KRT73: variants seen among roughly 807,000 people sequenced by gnomAD.
The protein encoded by KRT73 is keratin 73, also known as keratin, type II cytoskeletal 73.
In KRT73, 44 loss-of-function variants were observed where a neutral mutation model predicts 47.2. That is an observed-to-expected ratio of 0.93 (90% CI 0.73 to 1.20). The LOEUF is 1.20. Ranked by LOEUF, KRT73 falls within the 50% of genes most tolerant of loss-of-function variation. KRT73 has a pLI of 0.00. For synonymous variants in KRT73, 285 were observed against 291.3 expected, an observed-to-expected ratio of 0.98 and a Z score of 0.22; for missense variants, 713 against 704.5, an observed-to-expected ratio of 1.01 and a Z score of -0.14.
In KRT73 at chr12:52,608,260, T is replaced by C. The variant is rs1940625629; in HGVS notation, c.1559A>G (p.Glu520Gly). ...GGTCTTTCCCTGGGAGTCCCTGAAT[T>C]CACTTGCACTCCCCAGCCTGGTCCT... ...EARTRLGSAS[E>G]FRDSQGKTLA... The change falls in exon 9 of 9, where the codon GAA (glutamate) becomes GGA (glycine). Residue 520 changes from glutamate to glycine, a missense_variant. Physicochemically the swap from Glu to Gly is moderately conservative, Grantham distance 98 (BLOSUM62 -2). Coordinates refer to ENST00000305748, the MANE Select transcript of KRT73 (RefSeq NM_175068.3). 6.2e-7 allele frequency: 1 copy of C among 1,613,856 alleles called. No individual in the cohort carries two copies. Among genetic ancestry groups the C allele is most frequent in the South Asian group, 1.1e-5 (1 of 91,006 alleles).
Position 52,608,332 on chromosome 12 carries a change from C to T in KRT73, c.1487G>A (p.Gly496Glu). The T allele has an allele frequency of 1.2e-6, 2 of 1,613,944 alleles. No homozygotes were observed. Among genetic ancestry groups the T allele is most frequent in the East Asian group, 2.2e-5 (1 of 44,876 alleles). Residue 496 changes from glycine (G) to glutamate (E), a missense_variant, in exon 9 of 9, where the codon GGG becomes GAG. Coordinates refer to ENST00000305748, the MANE Select transcript of KRT73 (RefSeq NM_175068.3). Reference protein sequence around the residue: ...SVSGGYSMLPGGCVTGSGNCS... With the variant: ...SVSGGYSMLPEGCVTGSGNCS... ...GTTCCCACTGCCAGTGACACAGCCC[C>T]CAGGCAGCATGCTGTAGCCCCCGCT...
intron 6 of KRT73, 35 bp from the exon 7 acceptor site, chr12:52,610,870 C>G (rs595624): frequency 0.31 from 482,623 of 1,547,116 alleles, 77,164 homozygotes; most frequent in South Asian, 0.36. Flanking sequence ...CCCTGAGTTC[C>G]TCCCTGGGCC....
intron 7 of KRT73, chr12:52,610,135 G>A (rs1253085758): frequency 5.6e-6 from 1 of 178,374 alleles, no homozygotes; most frequent in African/African-American, 2.4e-5. Flanking sequence ...GAGGACAGTA[G>A]CAGGATCTCA....
intron 8 of KRT73, 136 bp from the exon 9 acceptor site, chr12:52,608,588 G>A: frequency 1.3e-6 from 1 of 771,046 alleles, no homozygotes; most frequent in Non-Finnish European, 2.0e-6. Context: ...CCATGAACTT[G>A]GGTTCATTTG....
chr12:52,617,830 T>C (rs1940841616), intron 1 of KRT73, among the ~76,000 whole-genome samples: 1 of 152,190 alleles, frequency 6.6e-6, no homozygotes, highest in African/African-American at 2.4e-5. Context: ...GTGTCCTGCC[T>C]TCGTCTGCTT....
rs959663231 is a variant in KRT73 at position 52,618,131 on chromosome 12, C to A, written c.394G>T (p.Glu132Ter). Residue 132 changes from glutamate to a stop codon, truncating the protein, a stop_gained, in exon 1 of 9, where the codon GAG (glutamate) becomes TAG (stop). Coordinates refer to ENST00000305748, the MANE Select transcript of KRT73 (RefSeq NM_175068.3). LOFTEE classifies it high-confidence loss of function. ...DPEIQKVRAQEREQIKVLNNK... is the reference protein window; with the variant it reads ...DPEIQKVRAQ Reference sequence around the variant, plus strand: ...TTCAGCACCTTGATCTGCTCCCGCTCCTGGGCACGCACTTTCTGGATTTCA... The same window carrying A: ...TTCAGCACCTTGATCTGCTCCCGCTACTGGGCACGCACTTTCTGGATTTCA... 1 of 1,613,836 alleles carries A rather than the reference C, an allele frequency of 6.2e-7. No individual in the cohort carries two copies. Among genetic ancestry groups the A allele is most frequent in the Non-Finnish European group, 8.5e-7 (1 of 1,179,946 alleles).
At chr12:52,623,589 CT>C in the KRT73 span, among the ~76,000 whole-genome samples, 4 of 152,260 alleles carry the variant, frequency 2.6e-5, no homozygotes, top group Admixed American at 6.5e-5. Context: ...GACTTTCCTT[CT>C]CTTGAATTTC....
At chr12:52,627,831 C>T in the KRT73 span, among the ~76,000 whole-genome samples, 1 of 152,140 alleles carries the variant, frequency 6.6e-6, no homozygotes, top group African/African-American at 2.4e-5. Context: ...CAAAGCCAAA[C>T]AGGAATAGCA....
chr12:52,608,171 C>T lies in KRT73; in HGVS notation c.*25G>A, dbSNP rs867476447. The T allele has an allele frequency of 6.3e-7, 1 of 1,591,636 alleles. No homozygotes were observed. ...CAGTCTGCCAGGGCAAGGCAGACTA[C>T]TGGGAAATGGGCTGTGTTGCACTTT... On this transcript the variant is annotated 3_prime_UTR_variant, in exon 9 of 9. Transcript: ENST00000305748.
At chr12:52,617,996 T>A (rs886442761) in intron 1 of KRT73, 82 bp downstream of exon 1, 2 of 1,447,930 alleles carry the variant, frequency 1.4e-6, no homozygotes, top group Non-Finnish European at 9.4e-7. Context: ...CTCAGGCAAA[T>A]TGAACCACAA....
intron 5 of KRT73, 151 bp from the exon 6 acceptor site, chr12:52,611,480 C>T: frequency 1.2e-6 from 1 of 805,214 alleles, no homozygotes; most frequent in East Asian, 2.6e-5. Context: ...CCCATTAAAG[C>T]ATTGGGCCAT....
Position 52,618,096 on chromosome 12 carries a change from G to T in KRT73, c.429C>A (p.Phe143Leu), listed in dbSNP as rs376096167. The change falls in exon 1 of 9, where the codon TTC becomes TTA. Residue 143 changes from phenylalanine to leucine, a missense_variant. Transcript: ENST00000305748. ...REQIKVLNNK[F>L]ASFIDKVRFL... is the part of the protein sequence containing the mutation. The stretch of plus-strand genomic sequence containing the variant: ...GACCCACCTTGTCAATGAAGGAGGC[G>T]AACTTGTTGTTCAGCACCTTGATCT... The T allele has an allele frequency of 6.2e-7, 1 of 1,613,668 alleles. No homozygotes were observed. The highest frequency in any genetic ancestry group is 8.5e-7 in the Non-Finnish European group (1 of 1,179,878).
intron 7 of KRT73, 97 bp from the exon 8 acceptor site, chr12:52,609,378 G>C: frequency 2.0e-6 from 2 of 1,021,674 alleles, no homozygotes; most frequent in Non-Finnish European, 3.1e-6. Flanking sequence ...AGCCAGACCA[G>C]CTCAGCCTTC....
intron 8 of KRT73, among the ~76,000 whole-genome samples, 160 bp from the exon 9 acceptor site, chr12:52,608,612 C>T (rs571984005): frequency 2.6e-5 from 4 of 152,132 alleles, no homozygotes; most frequent in East Asian, 3.8e-4. Flanking sequence ...AACTCAAGCG[C>T]GGGAAGAATA....
intron 5 of KRT73, 183 bp downstream of exon 5, chr12:52,613,505 G>T: frequency 8.7e-7 from 1 of 1,155,940 alleles, no homozygotes; most frequent in Non-Finnish European, 1.2e-6. Context: ...GGGTGCTGTT[G>T]ATCTAAGTGG....
At chr12:52,608,986 T>C (rs1940640742) in intron 8 of KRT73, among the ~76,000 whole-genome samples, 1 of 152,096 alleles carries the variant, frequency 6.6e-6, no homozygotes, top group African/African-American at 2.4e-5. Context: ...GGGGAGGGGC[T>C]GAGAGTTTCA....
intron 7 of KRT73, chr12:52,610,226 C>T (rs1031034712): frequency 3.8e-5 from 10 of 266,556 alleles, no homozygotes; most frequent in African/African-American, 2.2e-4. Flanking sequence ...CAGGCATGCA[C>T]CACCACATCC....
chr12:52,613,635 G>A lies in KRT73; in HGVS notation c.984+53C>T, dbSNP rs1940748341. 3 of 1,603,442 alleles carry A rather than the reference G, an allele frequency of 1.9e-6. No homozygotes were observed. In the East Asian group the frequency reaches 6.7e-5, roughly 36 times the overall value. On this transcript the variant is annotated intron_variant, in intron 5 of 8. Coordinates refer to ENST00000305748, the MANE Select transcript of KRT73 (RefSeq NM_175068.3). ...TGAGTCATGGGGCAGACAAGACAGA[G>A]TCTGGAGCAGAGGGCCCTGCATACT...
intron 6 of KRT73, 111 bp downstream of exon 6, chr12:52,611,093 T>G (rs1940691663): frequency 1.4e-6 from 2 of 1,380,896 alleles, no homozygotes; most frequent in Non-Finnish European, 1.0e-6. Flanking sequence ...AGGACCTCCA[T>G]TTGAAGAAGG....
Sources: gnomAD v4.1 joint callset for allele counts (sites outside exome capture counted in the v4.1 genomes callset) on GRCh38, gnomAD v4.1.1 for gene constraint, MANE v1.5 for transcripts, NCBI Gene and HGNC (gene_info 2026-07-23, HGNC 2026-07-21) for gene names.